The following PIR variants were observed in gnomAD, a reference collection of about 807,000 sequenced individuals.
PIR encodes pirin, also known as pirin (iron-binding nuclear protein).
PIR carries 22 observed loss-of-function variants against 24.2 expected under a neutral mutation model. The ratio of observed to expected loss-of-function variants is 0.91; its 90% CI spans 0.65 to 1.30. PIR has a LOEUF of 1.30. Among genes scored for constraint, PIR ranks in the 50% most tolerant of loss-of-function variants. PIR has a pLI of 0.00. For synonymous variants in PIR, 80 were observed against 79.6 expected (o/e 1.00, Z -0.03); for missense variants, 220 against 220.3 (o/e 1.00, Z 0.01).
At chrX:15,416,484 TCAC>T (rs1924920909) in intron 6 of PIR, among the ~76,000 whole-genome samples, 2 of 111,437 alleles carry the variant, frequency 1.8e-5, no homozygotes, top group South Asian at 7.5e-4. Flanking sequence ...AGAAAAAAAA[TCAC>T]TACTTGTTTT....
intron 5 of PIR, among the ~76,000 whole-genome samples, chrX:15,437,000 T>C (rs887310023): frequency 1.8e-5 from 2 of 112,167 alleles, no homozygotes; most frequent in African/African-American, 6.5e-5. Flanking sequence ...CATGGTCATT[T>C]TGAAGCTTCC....
chrX:15,391,745 C>T (rs1285871251), intron 8 of PIR, among the ~76,000 whole-genome samples: 1 of 111,511 alleles, frequency 9.0e-6, no homozygotes, highest in Admixed American at 9.6e-5. Flanking sequence ...TGCTGCTAGA[C>T]TTTAGCTTGT....
At chrX:15,489,686 A>G (rs1318918349) in intron 2 of PIR, among the ~76,000 whole-genome samples, 2 of 112,204 alleles carry the variant, frequency 1.8e-5, no homozygotes, top group Non-Finnish European at 3.8e-5. Context: ...ATGGACCTCA[A>G]AAGACATTCA....
chrX:15,468,591 A>G (rs951712164), intron 3 of PIR, among the ~76,000 whole-genome samples: 1 of 112,441 alleles, frequency 8.9e-6, no homozygotes, highest in Admixed American at 9.4e-5. Context: ...TTTTATGGGT[A>G]CGTTATTATT....
At chrX:15,477,860 G>A (rs1178593341) in intron 3 of PIR, among the ~76,000 whole-genome samples, 1 of 111,475 alleles carries the variant, frequency 9.0e-6, no homozygotes, top group East Asian at 2.8e-4. Flanking sequence ...CTGATTTGGG[G>A]GTTACAAATG....
chrX:15,439,136 A>G (rs1022175884), intron 5 of PIR, among the ~76,000 whole-genome samples: 1 of 112,065 alleles, frequency 8.9e-6, no homozygotes, highest in African/African-American at 3.2e-5. Context: ...TGTTTTCCAG[A>G]GAACCCAAGT....
intron 5 of PIR, among the ~76,000 whole-genome samples, chrX:15,427,481 T>A (rs908399026): frequency 2.7e-5 from 3 of 111,000 alleles, no homozygotes; most frequent in African/African-American, 9.8e-5. Context: ...TGGAGAATAA[T>A]GATGCAAGCT....
intron 7 of PIR, 86 bp from the exon 8 acceptor site, chrX:15,397,617 C>CA (rs1274092887): frequency 1.8e-6 from 1 of 547,085 alleles, no homozygotes; most frequent in African/African-American, 2.3e-5. Context: ...TATAGCACCA[C>CA]AACATTTATT....
intron 3 of PIR, among the ~76,000 whole-genome samples, chrX:15,463,094 T>C (rs902163942): frequency 2.7e-5 from 3 of 111,722 alleles, no homozygotes; most frequent in African/African-American, 9.7e-5. Context: ...TCTCTTTGTC[T>C]CCGTGAGAGG....
Position 15,439,780 on chromosome X carries a change from G to T in PIR, c.481-13790C>A, listed in dbSNP as rs142364583. Among the ~76,000 whole-genome samples, 508 of 112,388 alleles carry T rather than the reference G, an allele frequency of 4.5e-3. 2 individuals carry two copies. The highest frequency in any genetic ancestry group is 0.016 in the African/African-American group (487 of 30,947). On this transcript the variant is annotated intron_variant, in intron 5 of 9. Coordinates refer to ENST00000380420, the MANE Select transcript of PIR (RefSeq NM_001018109.3). ...ACAAATTTCCCAAGGTCAGAGCTGA[G>T]ATTTGAACCCAGGTGTGCTTGACTC...
At position 15,457,079 on chromosome X, in the gene PIR, A is replaced by C. The variant is rs369751988; in HGVS notation, c.274-1025T>G. Reference sequence around the variant, plus strand: ...AGAGTGAGGCAAGGGAGAAAGCCAAAAAGAGTTGTTAATGAGAAGGTTATA... The same window carrying C: ...AGAGTGAGGCAAGGGAGAAAGCCAACAAGAGTTGTTAATGAGAAGGTTATA... On this transcript the variant is annotated intron_variant, in intron 4 of 9. Transcript: ENST00000380420. Among the ~76,000 whole-genome samples, 60 of 112,230 alleles carry C rather than the reference A, an allele frequency of 5.3e-4. No individual in the cohort carries two copies. In the South Asian group the frequency reaches 0.022, roughly 41 times the overall value.
At chrX:15,461,787 A>AAAAT (rs776222429) in intron 3 of PIR, among the ~76,000 whole-genome samples, 3 of 112,422 alleles carry the variant, frequency 2.7e-5, no homozygotes, top group East Asian at 2.7e-4. Context: ...TCATCTCAAA[A>AAAAT]AAATAAATAA....
chrX:15,425,500 C>T (rs970693256), intron 6 of PIR, among the ~76,000 whole-genome samples: 1 of 107,782 alleles, frequency 9.3e-6, no homozygotes, highest in African/African-American at 3.4e-5. Flanking sequence ...CAACCTCCGC[C>T]TCCCGGGTTC....
At chrX:15,473,350 C>T (rs1296145479) in intron 3 of PIR, among the ~76,000 whole-genome samples, 1 of 111,261 alleles carries the variant, frequency 9.0e-6, no homozygotes, top group East Asian at 2.8e-4. Context: ...AAGAATTATG[C>T]ATCCAAAAAG....
intron 5 of PIR, among the ~76,000 whole-genome samples, chrX:15,432,398 A>C (rs1159355600): frequency 8.9e-6 from 1 of 112,267 alleles, no homozygotes; most frequent in East Asian, 2.8e-4. Context: ...GGATGCAGAG[A>C]GAGAAAATAA....
At chrX:15,424,579 A>G (rs1420177098) in intron 6 of PIR, among the ~76,000 whole-genome samples, 1 of 112,690 alleles carries the variant, frequency 8.9e-6, no homozygotes, top group African/African-American at 3.2e-5. Context: ...TAAAGAAAAG[A>G]CCAATATTTA....
At chrX:15,462,466 G>GA (rs754728271) in intron 3 of PIR, among the ~76,000 whole-genome samples, 297 of 107,476 alleles carry the variant, frequency 2.8e-3, no homozygotes, top group African/African-American at 8.3e-3. Flanking sequence ...AAAGAAGAAA[G>GA]AAAAAAAAAT....
At chrX:15,398,351 T>C (rs756089661) in intron 7 of PIR, among the ~76,000 whole-genome samples, 1 of 111,961 alleles carries the variant, frequency 8.9e-6, no homozygotes, top group South Asian at 3.7e-4. Flanking sequence ...AAAGTGTCTC[T>C]TAAAGGCAAC....
chrX:15,460,950 T>TAA (rs1163685512), intron 3 of PIR, among the ~76,000 whole-genome samples: 5 of 111,902 alleles, frequency 4.5e-5, no homozygotes, highest in African/African-American at 1.6e-4. Flanking sequence ...CAGGAGCAAC[T>TAA]AAGAGGAGTA....
Sources: gnomAD v4.1 joint callset for allele counts (sites outside exome capture counted in the v4.1 genomes callset) on GRCh38, gnomAD v4.1.1 for gene constraint, MANE v1.5 for transcripts, NCBI Gene and HGNC (gene_info 2026-07-23, HGNC 2026-07-21) for gene names.